Variants in DHRS4L2 observed in about 807,000 individuals in gnomAD.
DHRS4L2 encodes the protein dehydrogenase/reductase 4 like 2.
Under a neutral mutation model 23.9 loss-of-function variants are expected in DHRS4L2, and 22 were observed. The observed-to-expected ratio is 0.92, with a 90% CI of 0.66 to 1.31. DHRS4L2 has a LOEUF of 1.31. DHRS4L2 is among the 40% of genes most tolerant of loss of function. DHRS4L2 has a pLI of 0.00. For synonymous variants in DHRS4L2, 141 were observed against 123.7 expected (o/e 1.14, Z -0.93); for missense variants, 385 against 303.3 (o/e 1.27, Z -2.00).
Position 23,995,141 on chromosome 14 carries a change from G to A in DHRS4L2, c.408+8G>A. 2 of 1,612,452 alleles carry A rather than the reference G, an allele frequency of 1.2e-6. No individual in the cohort carries two copies. The highest frequency in any genetic ancestry group is 1.7e-6 in the Non-Finnish European group (2 of 1,179,096). ...GAGGAGGTGTGGGACAAGGTGAGAG[G>A]GGATTAAAGAAGCGCGGAAGGGGGC... On this transcript the variant is annotated splice_region_variant and intron_variant, in intron 3 of 7. Transcript: ENST00000335125.
chr14:23,972,895 C>T (rs191340808), intron 1 of DHRS4L2, among the ~76,000 whole-genome samples: 51 of 151,988 alleles, frequency 3.4e-4, no homozygotes, highest in Admixed American at 5.2e-4. Flanking sequence ...TGGACGTGCA[C>T]GTAAGCCAGA....
chr14:24,000,086 C>T (rs1334751216), intron 3 of DHRS4L2, among the ~76,000 whole-genome samples: 1 of 138,842 alleles, frequency 7.2e-6, no homozygotes, highest in South Asian at 2.3e-4. Context: ...AAACTTGCAA[C>T]TGAGTTTCAA....
At chr14:23,990,677 T>A (rs1227887543) in intron 2 of DHRS4L2, 4 of 1,110,998 alleles carry the variant, frequency 3.6e-6, no homozygotes, top group Non-Finnish European at 3.3e-6. Context: ...TAATAAACAT[T>A]CCCCTCTTCT....
chr14:23,975,723 C>G (rs917365846), intron 1 of DHRS4L2, among the ~76,000 whole-genome samples: 1 of 151,614 alleles, frequency 6.6e-6, no homozygotes, highest in African/African-American at 2.4e-5. Flanking sequence ...GTACCGGTAC[C>G]AAAACATATC....
intron 2 of DHRS4L2, 123 bp downstream of exon 2, chr14:23,990,482 A>G: frequency 1.4e-6 from 2 of 1,382,986 alleles, no homozygotes; most frequent in South Asian, 3.1e-5. Flanking sequence ...ATGTCCATAT[A>G]CTAACGTCAG....
intron 3 of DHRS4L2, among the ~76,000 whole-genome samples, chr14:23,995,489 C>G (rs1266447444): frequency 6.6e-6 from 1 of 151,822 alleles, no homozygotes; most frequent in Non-Finnish European, 1.5e-5. Flanking sequence ...CACCTGTCCT[C>G]TTTTCAGCTG....
intron 5 of DHRS4L2, 51 bp from the exon 6 acceptor site, chr14:24,001,333 C>T (rs751601519): frequency 4.2e-5 from 67 of 1,586,172 alleles, no homozygotes; most frequent in Non-Finnish European, 5.5e-5. Context: ...GTTATTAGAA[C>T]CAAGAATGAC....
chr14:23,983,494 C>T (rs1420785907), intron 1 of DHRS4L2, among the ~76,000 whole-genome samples: 2 of 151,610 alleles, frequency 1.3e-5, no homozygotes, highest in African/African-American at 4.8e-5. Flanking sequence ...AGACCTATAA[C>T]CTGAAACACC....
At chr14:23,982,444 C>G (rs1238484557) in intron 1 of DHRS4L2, among the ~76,000 whole-genome samples, 5 of 151,540 alleles carry the variant, frequency 3.3e-5, no homozygotes, top group Admixed American at 1.3e-4. Flanking sequence ...TCTTCCTTTT[C>G]TACATAGACA....
intron 3 of DHRS4L2, among the ~76,000 whole-genome samples, chr14:23,999,913 C>T (rs1408217181): frequency 3.1e-5 from 4 of 128,800 alleles, no homozygotes; most frequent in Middle Eastern, 7.6e-3. Context: ...AGGCTGTTCT[C>T]GAACTCCTGA....
In DHRS4L2 at chr14:24,000,874, T is replaced by C; in HGVS notation, c.420T>C (p.Ile140=). The C allele has an allele frequency of 2.5e-6, 4 of 1,609,980 alleles. No individual in the cohort carries two copies. The highest frequency in any genetic ancestry group is 3.4e-6 in the Non-Finnish European group (4 of 1,178,348). Residue 140 remains isoleucine (I), a synonymous_variant, in exon 4 of 8, where the codon ATT becomes ATC. Coordinates refer to ENST00000335125, the MANE Select transcript of DHRS4L2 (RefSeq NM_198083.4). Reference sequence around the variant, plus strand: ...TCTCTTGGCTTCAGACTCTGGACATTAATGTGAAGGCCCCAGCCCTGATGA... The same window carrying C: ...TCTCTTGGCTTCAGACTCTGGACATCAATGTGAAGGCCCCAGCCCTGATGA... ...TEEVWDKTLD[I]NVKAPALMTK... is the part of the protein sequence containing the mutation.
At position 24,000,924 on chromosome 14, in the gene DHRS4L2, A is replaced by G; in HGVS notation, c.470A>G (p.Glu157Gly). The G allele has an allele frequency of 6.2e-7, 1 of 1,611,288 alleles. No homozygotes were observed. Reference sequence around the variant, plus strand: ...ACAAAGGCAGTGGTGCCAGAAATGGAGAAACGAGGGTACAGAGAGTGAGAG... The same window carrying G: ...ACAAAGGCAGTGGTGCCAGAAATGGGGAAACGAGGGTACAGAGAGTGAGAG... ...LMTKAVVPEM[E>G]KRGGGSVVIV... is the part of the protein sequence containing the mutation. The change falls in exon 4 of 8, where the codon GAG (glutamate) becomes GGG (glycine). Residue 157 changes from glutamate (E) to glycine (G), a missense_variant. Transcript: ENST00000335125.
At chr14:23,973,557 T>G (rs2033907910) in intron 1 of DHRS4L2, among the ~76,000 whole-genome samples, 1 of 151,594 alleles carries the variant, frequency 6.6e-6, no homozygotes, top group South Asian at 2.1e-4. Flanking sequence ...TGGAGGAAGA[T>G]CTACAAAACA....
At chr14:23,996,060 G>GT (rs1187140056) in intron 3 of DHRS4L2, among the ~76,000 whole-genome samples, 1 of 151,558 alleles carries the variant, frequency 6.6e-6, no homozygotes, top group African/African-American at 2.4e-5. Flanking sequence ...GAGCAAGTGT[G>GT]TCACATGGCA....
chr14:23,990,379 G>A lies in DHRS4L2; in HGVS notation c.306+20G>A, dbSNP rs370762608. 4.4e-6 allele frequency: 7 copies of A among 1,602,330 alleles called. No individual in the cohort carries two copies. In the Admixed American group the frequency reaches 6.9e-5, roughly 16 times the overall value. ...GCCATGGTGAGCTGCAGGGAAATGG[G>A]CACAGAGCCAGGAGGTGGAAAAGGA... On this transcript the variant is annotated intron_variant, in intron 2 of 7. Coordinates refer to ENST00000335125, the MANE Select transcript of DHRS4L2 (RefSeq NM_198083.4).
chr14:23,982,648 C>G (rs1333644621), intron 1 of DHRS4L2, among the ~76,000 whole-genome samples: 1 of 151,486 alleles, frequency 6.6e-6, no homozygotes, highest in Non-Finnish European at 1.5e-5. Context: ...TAAATAACAC[C>G]ACACACCTAC....
At chr14:23,986,826 G>A (rs2034153769), upstream of DHRS4L2, among the ~76,000 whole-genome samples, 2 of 151,540 alleles carry the variant, frequency 1.3e-5, no homozygotes, top group South Asian at 2.1e-4. Flanking sequence ...CACACAGATG[G>A]AGAGCCCTGG....
At chr14:23,974,425 A>G (rs2033927859) in intron 1 of DHRS4L2, among the ~76,000 whole-genome samples, 1 of 151,664 alleles carries the variant, frequency 6.6e-6, no homozygotes, top group Non-Finnish European at 1.5e-5. Flanking sequence ...TGATAGAGAC[A>G]TTAAAAAAAA....
intron 1 of DHRS4L2, among the ~76,000 whole-genome samples, chr14:23,976,145 G>T: frequency 6.6e-6 from 1 of 151,772 alleles, no homozygotes; most frequent in African/African-American, 2.4e-5. Flanking sequence ...CACAGCAAAA[G>T]AAACTATCAT....
Sources: allele counts gnomAD v4.1 joint callset (sites outside exome capture counted in the v4.1 genomes callset), GRCh38; gene constraint gnomAD v4.1.1; transcripts MANE v1.5; gene names NCBI Gene and HGNC (gene_info 2026-07-23, HGNC 2026-07-21).